Variants in RELN observed in about 807,000 individuals in gnomAD.
The protein encoded by RELN is reelin.
RELN carries 108 observed loss-of-function variants against 427.6 expected under a neutral mutation model. That is an observed-to-expected ratio of 0.25 (90% confidence interval 0.22 to 0.30). RELN has a LOEUF of 0.30. RELN is among the 10% of genes least tolerant of loss of function. The probability of loss-of-function intolerance (pLI) is 1.00; values close to 1 mark genes in which losing one functional copy is unlikely to be tolerated. For missense variants in RELN, 3,715 were observed against 4,302.8 expected, an observed-to-expected ratio of 0.86 and a Z score of 3.82; for synonymous variants, 1,524 against 1,513.4, an observed-to-expected ratio of 1.01 and a Z score of -0.16.
At position 103,622,300 on chromosome 7, in the gene RELN, C is replaced by T. The variant is rs145848335; in HGVS notation, c.2702+7640G>A. On this transcript the variant is annotated intron_variant, in intron 20 of 64. Transcript: ENST00000428762. Reference sequence around the variant, plus strand: ...CATTAAATTCATCCCTTAGGCAGGTCCTGATCATTACTACATCCTCTAATA... The same window carrying T: ...CATTAAATTCATCCCTTAGGCAGGTTCTGATCATTACTACATCCTCTAATA... Among the ~76,000 whole-genome samples the T allele has an allele frequency of 1.9e-3, 296 of 152,252 alleles. 1 individual carries two copies. The highest frequency in any genetic ancestry group is 3.5e-3 in the Non-Finnish European group (240 of 68,012).
intron 1 of RELN, among the ~76,000 whole-genome samples, chr7:103,952,029 T>G (rs747113611): frequency 6.6e-6 from 1 of 152,264 alleles, no homozygotes; most frequent in Non-Finnish European, 1.5e-5. Context: ...TGAACTGATA[T>G]TCAGATATTC....
chr7:103,721,880 C>A lies in RELN; in HGVS notation c.805+1260G>T, dbSNP rs113493976. Among the ~76,000 whole-genome samples, 145 of 152,180 alleles carry A rather than the reference C, an allele frequency of 9.5e-4. 1 individual carries two copies. The highest frequency in any genetic ancestry group is 3.4e-3 in the African/African-American group (142 of 41,536). ...AAGAGGCTCTAAGTTGCCTGTCACG[C>A]TACAGTTAAAAAAATTTGTTTTTGT... On this transcript the variant is annotated intron_variant, in intron 8 of 64. Coordinates refer to ENST00000428762, the MANE Select transcript of RELN (RefSeq NM_005045.4).
intron 31 of RELN, among the ~76,000 whole-genome samples, chr7:103,570,948 T>G (rs1830869335): frequency 1.3e-5 from 2 of 152,206 alleles, no homozygotes; most frequent in Admixed American, 6.6e-5. Context: ...AATGTCTGGC[T>G]TAGAACAGAT....
intron 28 of RELN, among the ~76,000 whole-genome samples, chr7:103,577,391 T>C (rs2117212485): frequency 6.6e-6 from 1 of 152,328 alleles, no homozygotes; most frequent in African/African-American, 2.4e-5. Context: ...TTAAAAATGT[T>C]CAGAGATAAT....
intron 2 of RELN, among the ~76,000 whole-genome samples, chr7:103,871,157 C>T (rs1347243265): frequency 1.3e-5 from 2 of 151,912 alleles, no homozygotes; most frequent in East Asian, 3.9e-4. Context: ...AAAGGAAGTG[C>T]CTCAGGGTTA....
intron 57 of RELN, among the ~76,000 whole-genome samples, chr7:103,495,327 TTTTA>T (rs1410556473): frequency 6.6e-6 from 1 of 151,976 alleles, no homozygotes; most frequent in African/African-American, 2.4e-5. Context: ...GGCTTTTTTA[TTTTA>T]TTTATTTTTT....
rs76556198 is a variant in RELN at position 103,781,742 on chromosome 7, G to C, written c.474-5115C>G. Among the ~76,000 whole-genome samples the C allele has an allele frequency of 1.0e-3, 158 of 151,556 alleles. 1 individual carries two copies. In the East Asian group the frequency reaches 0.027, roughly 26 times the overall value. Reference sequence around the variant, plus strand: ...GACCAACTTTTTTAGATTCCACCAAGTCCTCCAATTTGTAACACACAATAT... The same window carrying C: ...GACCAACTTTTTTAGATTCCACCAACTCCTCCAATTTGTAACACACAATAT... On this transcript the variant is annotated intron_variant, in intron 3 of 64. Transcript: ENST00000428762.
intron 6 of RELN, among the ~76,000 whole-genome samples, chr7:103,734,467 A>C (rs1790441439): frequency 6.6e-6 from 1 of 152,196 alleles, no homozygotes; most frequent in Admixed American, 6.6e-5. Flanking sequence ...CCACCTCAAA[A>C]ATATATTTTG....
Position 103,989,496 on chromosome 7 carries a change from TGGGAGCGGGCCC to T in RELN, c.-152_-141del. The T allele has an allele frequency of 1.5e-6, 1 of 686,540 alleles. No individual in the cohort carries two copies. The highest frequency in any genetic ancestry group is 2.1e-6 in the Non-Finnish European group (1 of 473,548). The allele number at this position is 686,540 out of a possible 1,614,324, so 42.5% of individuals were successfully genotyped here. A position where few individuals can be genotyped will look rare whatever the true frequency, so the allele number is the denominator to read the frequency against. On this transcript the variant is annotated 5_prime_UTR_variant, in exon 1 of 65. Transcript: ENST00000428762. The surrounding 1 kb of genome is among the most constrained non-coding windows in gnomAD (Gnocchi z 4.9). ...AGCGGAACGGGCTCGGGAGCGGGCC[TGGGAGCGGGCCC>T]CCGCCGAGAAGTTCCGCGGGAGACG...
chr7:103,682,037 A>G (rs1833663625), intron 11 of RELN, 79 bp downstream of exon 11: 4 of 1,369,874 alleles, frequency 2.9e-6, no homozygotes, highest in Non-Finnish European at 4.2e-6. Context: ...TTCGCCATTT[A>G]ACAATATGCA....
intron 41 of RELN, 58 bp downstream of exon 41, chr7:103,551,009 C>T: frequency 7.0e-7 from 1 of 1,420,574 alleles, no homozygotes; most frequent in South Asian, 1.2e-5. Flanking sequence ...TGAACGATGA[C>T]TTCAGGAATA....
At chr7:103,786,250 A>G (rs1343876626) in intron 3 of RELN, among the ~76,000 whole-genome samples, 1 of 151,996 alleles carries the variant, frequency 6.6e-6, no homozygotes, top group Non-Finnish European at 1.5e-5. Flanking sequence ...GATAATCACT[A>G]TTCATATTTT....
intron 2 of RELN, among the ~76,000 whole-genome samples, chr7:103,859,660 T>C (rs1450988699): frequency 6.6e-6 from 1 of 152,188 alleles, no homozygotes; most frequent in Non-Finnish European, 1.5e-5. Context: ...TAATTGGGTT[T>C]TTAACAACAT....
At chr7:103,957,773 G>T (rs983093303) in intron 1 of RELN, among the ~76,000 whole-genome samples, 1 of 152,102 alleles carries the variant, frequency 6.6e-6, no homozygotes, top group Admixed American at 6.5e-5. Context: ...CTGGATTGTT[G>T]GCTAAGTGAT....
intron 1 of RELN, among the ~76,000 whole-genome samples, chr7:103,982,931 G>T (rs556153172): frequency 6.6e-6 from 1 of 152,280 alleles, no homozygotes; most frequent in African/African-American, 2.4e-5. Context: ...AAGTAGCTAG[G>T]ATCACAAGCA....
chr7:103,660,225 T>C (rs1046162170), intron 12 of RELN, among the ~76,000 whole-genome samples: 1 of 152,136 alleles, frequency 6.6e-6, no homozygotes, highest in Admixed American at 6.6e-5. Flanking sequence ...ACTAAATGTT[T>C]ATTACAACTT....
At chr7:103,746,604 G>C (rs1308618498) in intron 6 of RELN, among the ~76,000 whole-genome samples, 2 of 152,064 alleles carry the variant, frequency 1.3e-5, no homozygotes, top group Non-Finnish European at 2.9e-5. Flanking sequence ...GTGGGCGAAG[G>C]ATATGAACAG....
intron 8 of RELN, among the ~76,000 whole-genome samples, chr7:103,713,523 G>A (rs925884693): frequency 2.0e-5 from 3 of 152,112 alleles, no homozygotes; most frequent in Non-Finnish European, 2.9e-5. Context: ...TTACTCTCAG[G>A]GGATATTACA....
Position 103,561,691 on chromosome 7 carries a change from A to T in RELN, c.5370T>A (p.Gly1790=). ...GAACAACAGGAACACAATAGGGTCCACCAAAGCCCCGGTCACACCTAAGAA... is the reference window on the plus strand; with the variant it reads ...GAACAACAGGAACACAATAGGGTCCTCCAAAGCCCCGGTCACACCTAAGAA... The part of the protein sequence containing the change: ...AGRCVCDRGF[G]GPYCVPVVPL... The change falls in exon 36 of 65, where the codon GGT becomes GGA. Residue 1790 remains glycine (G), a synonymous_variant. Transcript: ENST00000428762. The T allele has an allele frequency of 6.2e-7, 1 of 1,614,036 alleles. No individual in the cohort carries two copies.
Sources: allele counts gnomAD v4.1 joint callset (sites outside exome capture counted in the v4.1 genomes callset), GRCh38; gene constraint gnomAD v4.1.1; non-coding constraint Gnocchi (gnomAD v3.1); transcripts MANE v1.5; gene names NCBI Gene and HGNC (gene_info 2026-07-23, HGNC 2026-07-21).